The following TCEA3 variants were observed in gnomAD, a reference collection of about 807,000 sequenced individuals.
TCEA3 encodes transcription elongation factor A protein 3.
A neutral mutation model predicts 44.0 loss-of-function variants in TCEA3; 36 were observed. The observed-to-expected ratio is 0.82, with a 90% CI of 0.63 to 1.08. The LOEUF (loss-of-function observed/expected upper bound fraction) is 1.08, where lower values mean the gene tolerates loss of function less well. Among genes scored for constraint, TCEA3 ranks in the 50% least tolerant of loss-of-function variants. The pLI is 0.00. For missense variants in TCEA3, 392 were observed against 441.2 expected (o/e 0.89, Z 1.00); for synonymous variants, 162 against 159.7 (o/e 1.01, Z -0.11).
chr1:23,420,025 C>T (rs1018316849), intron 1 of TCEA3, among the ~76,000 whole-genome samples: 1 of 152,174 alleles, frequency 6.6e-6, no homozygotes. Context: ...TAATCCATCC[C>T]TCCCCATCCC....
intron 5 of TCEA3, chr1:23,404,080 G>C (rs1470822400): frequency 2.8e-6 from 2 of 702,096 alleles, no homozygotes; most frequent in Non-Finnish European, 5.2e-6. Flanking sequence ...CCAGGTCTGA[G>C]TAGAGGCATC....
At chr1:23,420,690 C>T (rs1328622079) in intron 1 of TCEA3, among the ~76,000 whole-genome samples, 2 of 152,130 alleles carry the variant, frequency 1.3e-5, no homozygotes, top group African/African-American at 4.8e-5. Flanking sequence ...TAAAGAGAAC[C>T]GTTCTAATCT....
intron 4 of TCEA3, among the ~76,000 whole-genome samples, chr1:23,416,872 T>G (rs1364323382): frequency 6.6e-6 from 1 of 152,218 alleles, no homozygotes; most frequent in Non-Finnish European, 1.5e-5. Flanking sequence ...ATTCGGGATG[T>G]GAGGCTTATA....
chr1:23,383,610 A>G (rs1426499788), intron 10 of TCEA3: 7 of 985,288 alleles, frequency 7.1e-6, no homozygotes, highest in Middle Eastern at 5.2e-4. Flanking sequence ...CTTATCTTGT[A>G]CTTCTTGCTA....
At chr1:23,383,034 C>T (rs1311803246) in intron 10 of TCEA3, among the ~76,000 whole-genome samples, 1 of 152,214 alleles carries the variant, frequency 6.6e-6, no homozygotes, top group Non-Finnish European at 1.5e-5. Context: ...AATCCCAGCA[C>T]TTTGGGAGGC....
chr1:23,416,953 G>T (rs113657354), intron 4 of TCEA3, among the ~76,000 whole-genome samples: 1,845 of 152,268 alleles, frequency 0.012, 44 homozygotes, highest in African/African-American at 0.042. Flanking sequence ...CTAGACTGCC[G>T]TGCGGTCTCC....
intron 1 of TCEA3, among the ~76,000 whole-genome samples, 169 bp downstream of exon 1, chr1:23,424,396 G>A (rs1241567179): frequency 1.3e-5 from 2 of 151,644 alleles, no homozygotes; most frequent in African/African-American, 4.8e-5. Flanking sequence ...GAGGTGCTCA[G>A]CAAGGGTCCC....
intron 5 of TCEA3, among the ~76,000 whole-genome samples, chr1:23,406,603 C>T (rs1478008576): frequency 1.3e-5 from 2 of 152,178 alleles, no homozygotes; most frequent in Non-Finnish European, 1.5e-5. Context: ...GTCAGTTACA[C>T]ACTAATGACT....
At chr1:23,383,310 G>A in intron 10 of TCEA3, 1 of 433,058 alleles carries the variant, frequency 2.3e-6, no homozygotes, top group Non-Finnish European at 3.0e-6. Flanking sequence ...TAAAAGAATT[G>A]ATCAGGAAGT....
intron 10 of TCEA3, chr1:23,383,667 G>A (rs1001912870): frequency 1.0e-6 from 1 of 985,438 alleles, no homozygotes; most frequent in Non-Finnish European, 1.2e-6. Context: ...TGGTGGCCCA[G>A]ACATCACATG....
chr1:23,409,690 A>G (rs1639656040), intron 4 of TCEA3, among the ~76,000 whole-genome samples: 2 of 152,078 alleles, frequency 1.3e-5, no homozygotes, highest in Admixed American at 1.3e-4. Context: ...TGGGACTTAC[A>G]GGCGTGTGCC....
intron 1 of TCEA3, among the ~76,000 whole-genome samples, chr1:23,422,839 G>C (rs768390879): frequency 6.6e-6 from 1 of 152,146 alleles, no homozygotes; most frequent in African/African-American, 2.4e-5. Flanking sequence ...TTTTGCCTAG[G>C]GCCATAAAAG....
In TCEA3 at chr1:23,424,612, G is replaced by T; in HGVS notation, c.22C>A (p.Leu8Met). 6.2e-7 allele frequency: 1 copy of T among 1,608,320 alleles called. No homozygotes were observed. MGQEEELLRIAKKLEKMV... is the reference protein window; with the variant it reads MGQEEELMRIAKKLEKMV... ...TTCTCCAGCTTTTTGGCGATCCTCAGCAGCTCCTCTTCCTGGCCCATGTTG... is the reference window on the plus strand; with the variant it reads ...TTCTCCAGCTTTTTGGCGATCCTCATCAGCTCCTCTTCCTGGCCCATGTTG... Residue 8 changes from leucine to methionine, a missense_variant, in exon 1 of 11, where the codon CTG (leucine) becomes ATG (methionine). Leu to Met is a conservative substitution (Grantham distance 15). Transcript: ENST00000450454.
chr1:23,416,999 TC>T (rs764179433), intron 4 of TCEA3, among the ~76,000 whole-genome samples: 38 of 151,934 alleles, frequency 2.5e-4, no homozygotes, highest in Non-Finnish European at 4.7e-4. Context: ...CTGGAGGCCC[TC>T]CCGCAGACGC....
chr1:23,381,780 CTT>C (rs1345179616), intron 10 of TCEA3, among the ~76,000 whole-genome samples: 1 of 152,212 alleles, frequency 6.6e-6, no homozygotes, highest in African/African-American at 2.4e-5. Flanking sequence ...CTTGGTTAGA[CTT>C]TTGGTCTCCC....
intron 1 of TCEA3, among the ~76,000 whole-genome samples, chr1:23,422,359 G>C (rs11589432): frequency 0.37 from 56,701 of 152,050 alleles, 12,737 homozygotes; most frequent in East Asian, 0.58. Context: ...ACATGTTATA[G>C]CTATGTGTGT....
intron 4 of TCEA3, 91 bp downstream of exon 4, chr1:23,417,158 T>C (rs1639916102): frequency 2.3e-5 from 34 of 1,464,014 alleles, no homozygotes; most frequent in Non-Finnish European, 3.2e-5. Flanking sequence ...CTCCCCAGGA[T>C]GAAAGGTTTA....
chr1:23,392,543 GC>G (rs1639084064), intron 8 of TCEA3, among the ~76,000 whole-genome samples: 1 of 1,352 alleles, frequency 7.4e-4, no homozygotes, highest in Non-Finnish European at 1.9e-3. Context: ...CATCATACAC[GC>G]CACATACACT....
chr1:23,407,904 C>T (rs1639588620), intron 5 of TCEA3, among the ~76,000 whole-genome samples: 1 of 152,080 alleles, frequency 6.6e-6, no homozygotes, highest in African/African-American at 2.4e-5. Flanking sequence ...CAGAGAGAGC[C>T]CATTCCAGGT....
Sources: gnomAD v4.1 joint callset for allele counts (sites outside exome capture counted in the v4.1 genomes callset) on GRCh38, gnomAD v4.1.1 for gene constraint, MANE v1.5 for transcripts, NCBI Gene and HGNC (gene_info 2026-07-23, HGNC 2026-07-21) for gene names.